The following SLIT3 variants were observed in gnomAD, a reference collection of about 807,000 sequenced individuals.
SLIT3 encodes slit guidance ligand 3.
Under a neutral mutation model 184.0 loss-of-function variants are expected in SLIT3, and 68 were observed. That is an observed-to-expected ratio of 0.37 (90% confidence interval 0.30 to 0.45). The LOEUF (loss-of-function observed/expected upper bound fraction) is 0.45, where lower values mean the gene tolerates loss of function less well. Among genes scored for constraint, SLIT3 ranks in the 20% least tolerant of loss-of-function variants. The pLI, the probability that SLIT3 is intolerant of heterozygous loss-of-function variation, is 1.00. For synonymous variants in SLIT3, 831 were observed against 828.6 expected (o/e 1.00, Z -0.05); for missense variants, 1,707 against 2,026.0 (o/e 0.84, Z 3.02).
At chr5:168,839,110 G>A (rs1406859646) in intron 6 of SLIT3, among the ~76,000 whole-genome samples, 4 of 152,182 alleles carry the variant, frequency 2.6e-5, no homozygotes, top group East Asian at 1.9e-4. Flanking sequence ...CTCAGAAGGT[G>A]AGACATGAGG....
At chr5:169,219,522 C>T (rs1464323690) in intron 3 of SLIT3, among the ~76,000 whole-genome samples, 1 of 152,194 alleles carries the variant, frequency 6.6e-6, no homozygotes, top group African/African-American at 2.4e-5. Flanking sequence ...GTGCCTTCAT[C>T]AACCAACACC....
intron 12 of SLIT3, among the ~76,000 whole-genome samples, chr5:168,780,620 T>C (rs1755936169): frequency 6.6e-6 from 1 of 152,248 alleles, no homozygotes; most frequent in African/African-American, 2.4e-5. Context: ...CACGAACGCT[T>C]AGTGAAGACA....
intron 1 of SLIT3, among the ~76,000 whole-genome samples, chr5:169,280,406 A>G (rs1293076810): frequency 2.0e-5 from 3 of 151,748 alleles, no homozygotes; most frequent in African/African-American, 7.3e-5. Flanking sequence ...AATCACTCCC[A>G]CTTAATTTCC....
At chr5:168,821,656 G>A (rs1268944853) in intron 7 of SLIT3, among the ~76,000 whole-genome samples, 1 of 152,242 alleles carries the variant, frequency 6.6e-6, no homozygotes, top group Non-Finnish European at 1.5e-5. Flanking sequence ...AAAGATGGAA[G>A]CAGGGCTCAG....
intron 4 of SLIT3, among the ~76,000 whole-genome samples, chr5:168,931,647 G>A (rs1761990820): frequency 1.3e-5 from 2 of 152,194 alleles, no homozygotes; most frequent in Admixed American, 1.3e-4. Context: ...GCCGGAGGGT[G>A]GGTCAGGCAA....
rs560734825 is a variant in SLIT3 at position 168,711,119 on chromosome 5, C to T, written c.2556-61G>A. On this transcript the variant is annotated intron_variant, in intron 24 of 35. Transcript: ENST00000519560. ...CAGCTTGGCCAGTAGCCTTCATATC[C>T]TTGGCTCTCTGGAAATGCATTTTCA... The T allele has an allele frequency of 2.6e-4, 362 of 1,399,760 alleles. 1 individual carries two copies. Among genetic ancestry groups the T allele is most frequent in the Admixed American group, 5.5e-4 (21 of 37,904 alleles). 86.7% of individuals were successfully genotyped at this position (1,399,760 alleles called of 1,614,324 possible). A position where few individuals can be genotyped will look rare whatever the true frequency, so the allele number is the denominator to read the frequency against.
chr5:169,089,822 A>AT (rs1386819130), intron 4 of SLIT3, among the ~76,000 whole-genome samples: 1 of 152,106 alleles, frequency 6.6e-6, no homozygotes, highest in African/African-American at 2.4e-5. Flanking sequence ...TGCTTAGTGT[A>AT]TTTTCCACTT....
chr5:168,804,788 G>T (rs10071604), intron 9 of SLIT3, among the ~76,000 whole-genome samples: 2 of 152,074 alleles, frequency 1.3e-5, no homozygotes, highest in Non-Finnish European at 2.9e-5. Flanking sequence ...GTGGTAAGTC[G>T]TATGCTTCTT....
chr5:168,752,854 C>G (rs777980211), intron 18 of SLIT3, 101 bp downstream of exon 18: 46 of 1,218,116 alleles, frequency 3.8e-5, no homozygotes, highest in Non-Finnish European at 4.8e-5. Context: ...AGTGGACAGA[C>G]AGATAGATGA....
chr5:168,811,731 T>C (rs1365798914), intron 8 of SLIT3, among the ~76,000 whole-genome samples: 4 of 152,188 alleles, frequency 2.6e-5, no homozygotes, highest in Non-Finnish European at 5.9e-5. Flanking sequence ...CTGGCACCAA[T>C]GTGGAGAAAG....
intron 4 of SLIT3, among the ~76,000 whole-genome samples, chr5:168,968,062 T>G (rs1561579801): frequency 6.6e-6 from 1 of 152,142 alleles, no homozygotes. Flanking sequence ...TTTTTAAGAT[T>G]CCTTACCATT....
chr5:168,893,418 T>C (rs1467979658), intron 4 of SLIT3, among the ~76,000 whole-genome samples: 2 of 152,178 alleles, frequency 1.3e-5, no homozygotes, highest in African/African-American at 2.4e-5. Context: ...CCTAATTTGA[T>C]TGTCATAGCT....
At chr5:169,098,671 A>T (rs1267265017) in intron 4 of SLIT3, among the ~76,000 whole-genome samples, 1 of 152,178 alleles carries the variant, frequency 6.6e-6, no homozygotes, top group Non-Finnish European at 1.5e-5. Context: ...CCCACCTACA[A>T]ATGTGTCAAA....
intron 4 of SLIT3, among the ~76,000 whole-genome samples, chr5:168,907,176 T>C (rs1370401830): frequency 6.6e-6 from 1 of 152,210 alleles, no homozygotes; most frequent in Admixed American, 6.5e-5. Context: ...TTTTTTATAC[T>C]TTCTCACCAG....
At chr5:168,842,869 T>C (rs944589234) in intron 6 of SLIT3, among the ~76,000 whole-genome samples, 2 of 152,174 alleles carry the variant, frequency 1.3e-5, no homozygotes, top group Non-Finnish European at 2.9e-5. Flanking sequence ...TCTTTCTCAT[T>C]CTCTCTGTCA....
At chr5:169,250,558 G>T (rs1403433171) in intron 2 of SLIT3, among the ~76,000 whole-genome samples, 1 of 152,110 alleles carries the variant, frequency 6.6e-6, no homozygotes, top group East Asian at 1.9e-4. Flanking sequence ...ATTATATAGG[G>T]CTATTAGTAA....
At chr5:168,815,737 G>A (rs1176314931) in intron 8 of SLIT3, among the ~76,000 whole-genome samples, 1 of 152,212 alleles carries the variant, frequency 6.6e-6, no homozygotes, top group Non-Finnish European at 1.5e-5. Context: ...TGAATTCAAG[G>A]AAAATTCTTG....
chr5:168,879,719 C>T (rs151278550), intron 5 of SLIT3, among the ~76,000 whole-genome samples: 326 of 152,318 alleles, frequency 2.1e-3, no homozygotes, highest in Admixed American at 8.6e-3. Context: ...CAAACTTCCT[C>T]ACACAGAGAA....
At chr5:169,103,820 T>G (rs1289817598) in intron 4 of SLIT3, among the ~76,000 whole-genome samples, 2 of 151,316 alleles carry the variant, frequency 1.3e-5, no homozygotes, top group Non-Finnish European at 2.9e-5. Flanking sequence ...AAGCTTCAGC[T>G]CCCGACCTCG....
Sources: allele counts gnomAD v4.1 joint callset (sites outside exome capture counted in the v4.1 genomes callset), GRCh38; gene constraint gnomAD v4.1.1; transcripts MANE v1.5; gene names NCBI Gene and HGNC (gene_info 2026-07-23, HGNC 2026-07-21).